SAMD5: variants seen among roughly 807,000 people sequenced by gnomAD.
The protein encoded by SAMD5 is sterile alpha motif domain-containing protein 5.
SAMD5 carries 13 observed loss-of-function variants against 11.3 expected under a neutral mutation model. The ratio of observed to expected loss-of-function variants is 1.15; its 90% CI spans 0.75 to 1.83. SAMD5 has a LOEUF of 1.83. Ranked by LOEUF, SAMD5 falls within the 40% of genes most tolerant of loss-of-function variation. The pLI is 0.00. For missense variants in SAMD5, 255 were observed against 239.1 expected (o/e 1.07, Z -0.44); for synonymous variants, 129 against 111.3 (o/e 1.16, Z -1.00).
the SAMD5 span, among the ~76,000 whole-genome samples, chr6:147,875,105 A>C: frequency 3.3e-5 from 5 of 152,218 alleles, no homozygotes; most frequent in Non-Finnish European, 7.3e-5. Flanking sequence ...TTAAAATAAT[A>C]ATAATAGTCA....
chr6:147,899,447 A>G, the SAMD5 span, among the ~76,000 whole-genome samples: 369 of 152,270 alleles, frequency 2.4e-3, 1 homozygote, highest in Middle Eastern at 3.4e-3. Flanking sequence ...TAGATTTTCA[A>G]TTGATTGCCA....
At chr6:147,713,438 T>C (rs968218776) in intron 1 of SAMD5, among the ~76,000 whole-genome samples, 1 of 152,198 alleles carries the variant, frequency 6.6e-6, no homozygotes, top group Non-Finnish European at 1.5e-5. Flanking sequence ...CCTGGGTTGT[T>C]CTGGATACCT....
At chr6:147,695,058 C>A (rs1050121683) in intron 1 of SAMD5, among the ~76,000 whole-genome samples, 1 of 152,162 alleles carries the variant, frequency 6.6e-6, no homozygotes, top group Non-Finnish European at 1.5e-5. Flanking sequence ...GAAGGCTCAT[C>A]CCATCTGTCT....
At chr6:147,630,728 C>A (rs1451171521) in intron 1 of SAMD5, among the ~76,000 whole-genome samples, 1 of 152,190 alleles carries the variant, frequency 6.6e-6, no homozygotes, top group Admixed American at 6.5e-5. Flanking sequence ...GTTTGGTGGT[C>A]TCTTCACACA....
chr6:147,595,427 C>T (rs1299087150), intron 1 of SAMD5, among the ~76,000 whole-genome samples: 1 of 152,012 alleles, frequency 6.6e-6, no homozygotes, highest in Non-Finnish European at 1.5e-5. Flanking sequence ...CTCTTCAACC[C>T]AGTCTTTGGT....
At chr6:147,627,274 A>G (rs1562337144) in intron 1 of SAMD5, among the ~76,000 whole-genome samples, 2 of 152,162 alleles carry the variant, frequency 1.3e-5, no homozygotes, top group South Asian at 4.1e-4. Flanking sequence ...CTCCTGACCA[A>G]CTGAAGGCCC....
chr6:147,881,345 G>T, the SAMD5 span, among the ~76,000 whole-genome samples: 4 of 152,122 alleles, frequency 2.6e-5, no homozygotes, highest in African/African-American at 9.7e-5. Context: ...GATGCCACCT[G>T]ACTCAAAATG....
chr6:147,548,785 T>C (rs1788723575), intron 1 of SAMD5, among the ~76,000 whole-genome samples: 1 of 152,142 alleles, frequency 6.6e-6, no homozygotes, highest in Non-Finnish European at 1.5e-5. Flanking sequence ...AAGTGAATTG[T>C]TTCTCTTACC....
chr6:147,703,636 C>A (rs1431808549), intron 1 of SAMD5, among the ~76,000 whole-genome samples: 1 of 152,116 alleles, frequency 6.6e-6, no homozygotes, highest in Admixed American at 6.5e-5. Flanking sequence ...GCTACAAAGT[C>A]CAAATCACAA....
chr6:147,947,430 T>C, the SAMD5 span: 1 of 152,246 alleles, frequency 6.6e-6, no homozygotes, highest in East Asian at 1.9e-4. Flanking sequence ...TGCTTTTAAA[T>C]GACAGCATCT....
intron 1 of SAMD5, among the ~76,000 whole-genome samples, chr6:147,728,191 C>G (rs1000700265): frequency 1.3e-5 from 2 of 152,092 alleles, no homozygotes; most frequent in Non-Finnish European, 2.9e-5. Context: ...TTTGGGAGAA[C>G]GAGGTGGGCA....
At chr6:147,547,409 G>T (rs1404555803) in intron 1 of SAMD5, among the ~76,000 whole-genome samples, 2 of 152,172 alleles carry the variant, frequency 1.3e-5, no homozygotes, top group African/African-American at 4.8e-5. Context: ...CATTTAGTTT[G>T]TTGGGAGAAT....
At chr6:147,669,699 G>A (rs1292978071) in intron 1 of SAMD5, among the ~76,000 whole-genome samples, 4 of 151,966 alleles carry the variant, frequency 2.6e-5, no homozygotes, top group Admixed American at 2.0e-4. Context: ...CTAAAGTGCT[G>A]GGATTACAGG....
chr6:147,653,187 A>G (rs1404877666), intron 1 of SAMD5, among the ~76,000 whole-genome samples: 1 of 152,254 alleles, frequency 6.6e-6, no homozygotes, highest in Non-Finnish European at 1.5e-5. Context: ...CCAAATTTTG[A>G]TCTAAATAGG....
chr6:147,848,837 C>T, the SAMD5 span, among the ~76,000 whole-genome samples: 1 of 152,196 alleles, frequency 6.6e-6, no homozygotes, highest in South Asian at 2.1e-4. Context: ...GACTTTTAGC[C>T]ATTTCGTTTT....
At chr6:147,666,244 A>T (rs934369178) in intron 1 of SAMD5, among the ~76,000 whole-genome samples, 1 of 151,444 alleles carries the variant, frequency 6.6e-6, no homozygotes, top group African/African-American at 2.4e-5. Flanking sequence ...GCCGTTTTTT[A>T]AAATTTTTAC....
chr6:147,531,570 T>G (rs967418820), intron 1 of SAMD5, among the ~76,000 whole-genome samples: 1 of 152,100 alleles, frequency 6.6e-6, no homozygotes, highest in Non-Finnish European at 1.5e-5. Context: ...TGGGACACAT[T>G]CCTCCATTTT....
chr6:147,631,699 C>A (rs1445302848), intron 1 of SAMD5, among the ~76,000 whole-genome samples: 1 of 152,132 alleles, frequency 6.6e-6, no homozygotes. Context: ...TCTACCCAGA[C>A]CAAGAGGTAT....
At chr6:147,801,620 A>C in the SAMD5 span, among the ~76,000 whole-genome samples, 2 of 152,204 alleles carry the variant, frequency 1.3e-5, no homozygotes, top group South Asian at 2.1e-4. Flanking sequence ...GACATTAGGC[A>C]ACAGGTAGCA....
Sources: gnomAD v4.1 joint callset for allele counts (sites outside exome capture counted in the v4.1 genomes callset) on GRCh38, gnomAD v4.1.1 for gene constraint, MANE v1.5 for transcripts, NCBI Gene and HGNC (gene_info 2026-07-23, HGNC 2026-07-21) for gene names.